DPP10: variants seen among roughly 807,000 people sequenced by gnomAD.
The protein encoded by DPP10 is inactive dipeptidyl peptidase 10.
In DPP10, 33 loss-of-function variants were observed where a neutral mutation model predicts 120.9. The ratio of observed to expected loss-of-function variants is 0.27; its 90% confidence interval spans 0.21 to 0.37. The LOEUF is 0.37. DPP10 is among the 10% of genes least tolerant of loss of function. DPP10 has a pLI of 1.00. For synonymous variants in DPP10, 337 were observed against 326.1 expected, an observed-to-expected ratio of 1.03 and a Z score of -0.36; for missense variants, 816 against 942.8, an observed-to-expected ratio of 0.87 and a Z score of 1.76.
chr2:115,080,877 T>A (rs1382999399), intron 1 of DPP10, among the ~76,000 whole-genome samples: 2 of 152,180 alleles, frequency 1.3e-5, no homozygotes, highest in Non-Finnish European at 2.9e-5. Context: ...TTTATCAGCA[T>A]TCCTGAAATG....
intron 5 of DPP10, among the ~76,000 whole-genome samples, chr2:115,528,801 T>G (rs2078286252): frequency 6.6e-6 from 1 of 152,112 alleles, no homozygotes; most frequent in African/African-American, 2.4e-5. Flanking sequence ...TATAACATTC[T>G]CAAAATGGCA....
intron 1 of DPP10, among the ~76,000 whole-genome samples, chr2:114,518,096 T>A (rs1468072868): frequency 8.7e-6 from 1 of 114,824 alleles, no homozygotes; most frequent in Non-Finnish European, 1.9e-5. Flanking sequence ...TTTTTTTTTT[T>A]TAGATAGAGT....
At chr2:114,537,369 C>T (rs1686590359) in intron 1 of DPP10, among the ~76,000 whole-genome samples, 1 of 151,638 alleles carries the variant, frequency 6.6e-6, no homozygotes, top group Non-Finnish European at 1.5e-5. Flanking sequence ...AATTCATGTG[C>T]ATTCAGAAAG....
chr2:114,649,928 C>T (rs1696450220), intron 1 of DPP10, among the ~76,000 whole-genome samples: 1 of 151,986 alleles, frequency 6.6e-6, no homozygotes, highest in Non-Finnish European at 1.5e-5. Context: ...ACTTTTTAAC[C>T]AGTATCACAC....
At chr2:115,656,464 C>T (rs1575452254) in intron 5 of DPP10, among the ~76,000 whole-genome samples, 1 of 151,424 alleles carries the variant, frequency 6.6e-6, no homozygotes, top group East Asian at 1.9e-4. Flanking sequence ...AAGATTTGTA[C>T]AAACCTCTCT....
At chr2:115,416,143 C>A (rs2104629619) in intron 3 of DPP10, among the ~76,000 whole-genome samples, 1 of 152,084 alleles carries the variant, frequency 6.6e-6, no homozygotes, top group African/African-American at 2.4e-5. Flanking sequence ...AATTAAGATG[C>A]ACTGCAGAAT....
At chr2:115,592,564 C>A (rs530157131) in intron 5 of DPP10, among the ~76,000 whole-genome samples, 1 of 135,716 alleles carries the variant, frequency 7.4e-6, no homozygotes, top group Non-Finnish European at 1.5e-5. Context: ...GAAACCCCGT[C>A]TCTGCTAAAA....
At chr2:114,860,353 A>C (rs947457362) in intron 1 of DPP10, among the ~76,000 whole-genome samples, 3 of 152,186 alleles carry the variant, frequency 2.0e-5, no homozygotes, top group Admixed American at 6.5e-5. Context: ...ATCTTCACGA[A>C]GACTCCGTAA....
At chr2:115,118,014 C>G (rs2104719170) in intron 1 of DPP10, among the ~76,000 whole-genome samples, 1 of 152,282 alleles carries the variant, frequency 6.6e-6, no homozygotes. Context: ...TGATATTTGC[C>G]TGGCAATAAC....
At chr2:114,496,073 G>T (rs1573488955) in intron 1 of DPP10, among the ~76,000 whole-genome samples, 1 of 152,268 alleles carries the variant, frequency 6.6e-6, no homozygotes, top group African/African-American at 2.4e-5. Flanking sequence ...GAGGAAATTG[G>T]CCAAACAAGT....
chr2:114,715,540 T>G (rs1487430082), intron 1 of DPP10, among the ~76,000 whole-genome samples: 1 of 152,096 alleles, frequency 6.6e-6, no homozygotes, highest in African/African-American at 2.4e-5. Flanking sequence ...ACAAATAATC[T>G]GAAAAATATT....
At chr2:114,719,440 T>G (rs1701564357) in intron 1 of DPP10, among the ~76,000 whole-genome samples, 1 of 152,176 alleles carries the variant, frequency 6.6e-6, no homozygotes, top group East Asian at 1.9e-4. Flanking sequence ...CCCTTGCTTC[T>G]GCAGGAGTAG....
chr2:115,532,193 C>T (rs889580739), intron 5 of DPP10, among the ~76,000 whole-genome samples: 2 of 152,042 alleles, frequency 1.3e-5, no homozygotes, highest in Non-Finnish European at 2.9e-5. Flanking sequence ...TTAGATAGTG[C>T]ATCTGCCGTG....
At chr2:114,916,103 A>C (rs1397119989) in intron 1 of DPP10, among the ~76,000 whole-genome samples, 1 of 152,190 alleles carries the variant, frequency 6.6e-6, no homozygotes, top group African/African-American at 2.4e-5. Flanking sequence ...GAAAAAAGAG[A>C]GAAAATTCAA....
intron 1 of DPP10, among the ~76,000 whole-genome samples, chr2:114,473,671 A>T (rs1367253484): frequency 1.3e-5 from 2 of 152,196 alleles, no homozygotes; most frequent in Non-Finnish European, 2.9e-5. Context: ...TAGAGGACTC[A>T]TGAAGTTACA....
At chr2:115,069,856 C>CTA (rs985177047) in intron 1 of DPP10, among the ~76,000 whole-genome samples, 9 of 150,914 alleles carry the variant, frequency 6.0e-5, no homozygotes, top group Admixed American at 2.0e-4. Flanking sequence ...TCAGGTCTAT[C>CTA]TATATATATA....
chr2:114,972,908 T>C (rs1699490407), intron 1 of DPP10, among the ~76,000 whole-genome samples: 1 of 152,224 alleles, frequency 6.6e-6, no homozygotes, highest in African/African-American at 2.4e-5. Flanking sequence ...CAATATTTGC[T>C]AATCACACAA....
chr2:115,775,020 T>C (rs976217839), intron 13 of DPP10, among the ~76,000 whole-genome samples: 5 of 152,104 alleles, frequency 3.3e-5, no homozygotes, highest in African/African-American at 1.2e-4. Flanking sequence ...GGAAACAAAA[T>C]ATAATTTCTA....
At chr2:115,233,822 C>CA (rs1434134365) in intron 1 of DPP10, 3 of 455,630 alleles carry the variant, frequency 6.6e-6, no homozygotes, top group African/African-American at 6.0e-5. Flanking sequence ...TCACCTTTGC[C>CA]ACACCAAATG....
Sources: gnomAD v4.1 joint callset for allele counts (sites outside exome capture counted in the v4.1 genomes callset) on GRCh38, gnomAD v4.1.1 for gene constraint, MANE v1.5 for transcripts, NCBI Gene and HGNC (gene_info 2026-07-23, HGNC 2026-07-21) for gene names.